Variants in RBMS3 observed in about 807,000 individuals in gnomAD.
RBMS3 encodes RNA binding motif single stranded interacting protein 3, also known as RNA-binding motif, single-stranded-interacting protein 3.
In RBMS3, 27 loss-of-function variants were observed where a neutral mutation model predicts 66.8. That is an observed-to-expected ratio of 0.40 (90% CI 0.30 to 0.56). The LOEUF is 0.56. Among genes scored for constraint, RBMS3 ranks in the 20% least tolerant of loss-of-function variants. The probability of loss-of-function intolerance (pLI) is 0.40; values close to 1 mark genes in which losing one functional copy is unlikely to be tolerated. For missense variants in RBMS3, 513 were observed against 549.5 expected (o/e 0.93, Z 0.66); for synonymous variants, 188 against 183.0 (o/e 1.03, Z -0.22).
intron 8 of RBMS3, among the ~76,000 whole-genome samples, chr3:29,892,312 A>G (rs543680525): frequency 5.9e-5 from 9 of 151,690 alleles, no homozygotes; most frequent in Non-Finnish European, 8.9e-5. Context: ...AAGAAACCCC[A>G]GAAGTAACTA....
intron 3 of RBMS3, among the ~76,000 whole-genome samples, chr3:29,560,510 A>C (rs1315340190): frequency 6.6e-6 from 1 of 152,254 alleles, no homozygotes; most frequent in Non-Finnish European, 1.5e-5. Context: ...AAAGTCTCTG[A>C]CATAAGGGAA....
chr3:29,734,015 T>TAC (rs1258396973), intron 4 of RBMS3, among the ~76,000 whole-genome samples: 2 of 151,806 alleles, frequency 1.3e-5, no homozygotes, highest in African/African-American at 4.8e-5. Flanking sequence ...TTAGTATGTG[T>TAC]ACACACACAC....
At chr3:29,971,680 C>T (rs1375102428) in intron 12 of RBMS3, among the ~76,000 whole-genome samples, 2 of 151,962 alleles carry the variant, frequency 1.3e-5, no homozygotes, top group Admixed American at 1.3e-4. Flanking sequence ...TATTAACTAC[C>T]AACCATAACG....
intron 4 of RBMS3, among the ~76,000 whole-genome samples, chr3:29,711,698 A>G (rs766098324): frequency 2.0e-5 from 3 of 152,142 alleles, no homozygotes; most frequent in Non-Finnish European, 2.9e-5. Flanking sequence ...CTTTCTTCCC[A>G]TGGCTCCATA....
At chr3:29,453,146 A>G (rs2042068697) in intron 2 of RBMS3, among the ~76,000 whole-genome samples, 1 of 152,194 alleles carries the variant, frequency 6.6e-6, no homozygotes, top group Non-Finnish European at 1.5e-5. Context: ...AGCTGCTTCC[A>G]GGATGTGAAA....
chr3:29,793,299 G>A (rs911063688), intron 6 of RBMS3, among the ~76,000 whole-genome samples: 12 of 151,706 alleles, frequency 7.9e-5, no homozygotes, highest in African/African-American at 2.9e-4. Context: ...ACATAATTCA[G>A]CCTAAAAGTT....
intron 4 of RBMS3, among the ~76,000 whole-genome samples, chr3:29,681,065 A>G (rs1432585266): frequency 6.6e-6 from 1 of 152,234 alleles, no homozygotes; most frequent in Non-Finnish European, 1.5e-5. Flanking sequence ...GTCCACTAGT[A>G]CATTACAGGG....
rs186962811 is a variant in RBMS3, at chr3:29,473,540, C to T, written c.249-14901C>T. Among the ~76,000 whole-genome samples the T allele has an allele frequency of 6.9e-3, 1,050 of 152,322 alleles. 23 individuals carry two copies. The highest frequency in any genetic ancestry group is 0.055 in the Admixed American group (844 of 15,306). On this transcript the variant is annotated intron_variant, in intron 2 of 14. Coordinates refer to ENST00000383767, the MANE Select transcript of RBMS3 (RefSeq NM_001003793.3). ...CCCTTGGGTGGTTGATGGGACTGGG[C>T]GCCGTGGAACCAGGGGTGGCGCTCG...
chr3:29,999,753 T>G (rs1577359177), intron 14 of RBMS3, among the ~76,000 whole-genome samples: 1 of 150,564 alleles, frequency 6.6e-6, no homozygotes, highest in Non-Finnish European at 1.5e-5. Context: ...CACCGGGGAC[T>G]GTTGTGGGGT....
intron 2 of RBMS3, among the ~76,000 whole-genome samples, chr3:29,445,880 G>A (rs541893302): frequency 3.2e-4 from 48 of 152,216 alleles, no homozygotes; most frequent in African/African-American, 1.1e-3. Context: ...TATGTCCACA[G>A]ATTTTTTGAA....
intron 4 of RBMS3, among the ~76,000 whole-genome samples, chr3:29,721,596 C>T (rs1023232286): frequency 2.0e-5 from 3 of 152,110 alleles, no homozygotes; most frequent in Non-Finnish European, 4.4e-5. Flanking sequence ...TTCAGGGTCA[C>T]GGGTCTATCC....
intron 1 of RBMS3, among the ~76,000 whole-genome samples, chr3:29,426,481 C>G (rs979013220): frequency 6.6e-6 from 1 of 152,146 alleles, no homozygotes; most frequent in Non-Finnish European, 1.5e-5. Flanking sequence ...GTAAATAGCA[C>G]AGAGCAATGT....
At chr3:29,949,169 C>A (rs1695512399) in intron 12 of RBMS3, among the ~76,000 whole-genome samples, 1 of 151,014 alleles carries the variant, frequency 6.6e-6, no homozygotes, top group African/African-American at 2.4e-5. Flanking sequence ...ATATAAATAT[C>A]ACTGTTATTT....
chr3:29,913,454 C>A (rs1045371596), intron 10 of RBMS3, among the ~76,000 whole-genome samples: 2 of 151,894 alleles, frequency 1.3e-5, no homozygotes, highest in African/African-American at 4.8e-5. Context: ...TACTTGTTCC[C>A]TTTTATATCA....
chr3:29,406,098 T>C (rs7621314), intron 1 of RBMS3, among the ~76,000 whole-genome samples: 2,850 of 152,284 alleles, frequency 0.019, 87 homozygotes, highest in African/African-American at 0.065. Flanking sequence ...TGTCAGTCAT[T>C]GTGATGTTTG....
intron 11 of RBMS3, among the ~76,000 whole-genome samples, chr3:29,936,925 T>C (rs2061281808): frequency 6.6e-6 from 1 of 152,084 alleles, no homozygotes. Context: ...CAATCTAGAA[T>C]ACTGAAACTT....
intron 6 of RBMS3, among the ~76,000 whole-genome samples, chr3:29,865,786 T>C (rs1206655802): frequency 2.0e-5 from 3 of 152,094 alleles, no homozygotes; most frequent in Non-Finnish European, 2.9e-5. Flanking sequence ...AAAGTTCTTA[T>C]GTATGGGCCA....
intron 4 of RBMS3, among the ~76,000 whole-genome samples, chr3:29,667,508 T>C (rs553663143): frequency 6.6e-6 from 1 of 152,334 alleles, no homozygotes; most frequent in East Asian, 1.9e-4. Flanking sequence ...GCAAATAGTT[T>C]GAGAAACACT....
intron 4 of RBMS3, among the ~76,000 whole-genome samples, chr3:29,655,332 T>G (rs2050288152): frequency 2.0e-5 from 3 of 152,340 alleles, no homozygotes; most frequent in South Asian, 2.1e-4. Flanking sequence ...TGAAAATATT[T>G]CTTCATGACT....
Sources: gnomAD v4.1 joint callset for allele counts (sites outside exome capture counted in the v4.1 genomes callset) on GRCh38, gnomAD v4.1.1 for gene constraint, MANE v1.5 for transcripts, NCBI Gene and HGNC (gene_info 2026-07-23, HGNC 2026-07-21) for gene names.